Variants in VWCE observed in about 807,000 individuals in gnomAD.
The protein encoded by VWCE is von Willebrand factor C and EGF domain-containing protein.
A neutral mutation model predicts 102.9 loss-of-function variants in VWCE; 68 were observed. The observed-to-expected ratio is 0.66, with a 90% CI of 0.54 to 0.81. VWCE has a LOEUF of 0.81. Among genes scored for constraint, VWCE ranks in the 30% least tolerant of loss-of-function variants. VWCE has a pLI of 0.00. For missense variants in VWCE, 1,137 were observed against 1,263.6 expected (o/e 0.90, Z 1.52); for synonymous variants, 497 against 515.4 (o/e 0.96, Z 0.48).
intron 6 of VWCE, 25 bp downstream of exon 6, chr11:61,282,764 G>C (rs375538648): frequency 6.3e-7 from 1 of 1,597,008 alleles, no homozygotes; most frequent in East Asian, 2.2e-5. Flanking sequence ...TAAGTGTGCA[G>C]ACCACAGGGT....
chr11:61,275,963 C>G (rs1314095102), intron 11 of VWCE, among the ~76,000 whole-genome samples: 1 of 152,228 alleles, frequency 6.6e-6, no homozygotes, highest in Non-Finnish European at 1.5e-5. Context: ...CCTCAAACTG[C>G]TGTGCACATA....
At chr11:61,264,822 G>A in intron 18 of VWCE, 134 bp downstream of exon 18, 1 of 1,034,182 alleles carries the variant, frequency 9.7e-7, no homozygotes, top group Non-Finnish European at 1.4e-6. Context: ...AGATATTCTG[G>A]CAGTTAATTA....
rs1219087163 is a variant in VWCE at position 61,264,565 on chromosome 11, T to C, written c.2152A>G (p.Ser718Gly). 1 of 1,610,672 alleles carries C rather than the reference T, an allele frequency of 6.2e-7. No homozygotes were observed. ...CGCTGGCAGGGAACCTTCTCACAGC[T>C]CACCTCTCCCAGCTGGGGAAGCAGA... ...TRCTCQLGEV[S>G]CEKVPCQRAC... Residue 718 changes from serine (S) to glycine (G), a missense_variant, in exon 19 of 20, where the codon AGC becomes GGC. This residue lies in a region of VWCE where 316 missense variants were observed against 319.3 expected (regional missense o/e 0.99). Coordinates refer to ENST00000335613, the MANE Select transcript of VWCE (RefSeq NM_152718.2).
At position 61,258,770 on chromosome 11, in the gene VWCE, T is replaced by G. The variant is rs557162711; in HGVS notation, c.2773A>C (p.Thr925Pro). Reference protein sequence around the residue: ...LLGPRVLSPTTSRLSTALAAT... With the variant: ...LLGPRVLSPTPSRLSTALAAT... ...GCAAGGGCTGTGGAGAGTCTAGAGG[T>G]GGTGGGAGAAAGCACGCGAGGCCCG... The change falls in exon 20 of 20, where the codon ACC becomes CCC. Residue 925 changes from threonine to proline, a missense_variant. Thr to Pro is a conservative substitution (Grantham distance 38). Transcript: ENST00000335613. 3 of 1,472,412 alleles carry G rather than the reference T, an allele frequency of 2.0e-6. No individual in the cohort carries two copies. Among genetic ancestry groups the G allele is most frequent in the East Asian group, 4.8e-5 (2 of 41,912 alleles). The allele number at this position is 1,472,412 out of a possible 1,614,324, so 91.2% of individuals were successfully genotyped here. A position where few individuals can be genotyped will look rare whatever the true frequency, so the allele number is the denominator to read the frequency against.
At chr11:61,275,309 C>T (rs1014877941) in intron 11 of VWCE, among the ~76,000 whole-genome samples, 6 of 152,262 alleles carry the variant, frequency 3.9e-5, no homozygotes, top group East Asian at 3.9e-4. Flanking sequence ...ACTGCCCAGG[C>T]CCACCTGCCA....
intron 9 of VWCE, among the ~76,000 whole-genome samples, chr11:61,279,935 G>A (rs889980782): frequency 4.6e-5 from 7 of 152,170 alleles, no homozygotes; most frequent in African/African-American, 9.6e-5. Context: ...CTATAGACAC[G>A]GGGCTAGTCT....
intron 14 of VWCE, among the ~76,000 whole-genome samples, chr11:61,270,084 A>AT (rs932736046): frequency 2.6e-5 from 4 of 151,374 alleles, no homozygotes; most frequent in African/African-American, 4.9e-5. Flanking sequence ...CGCCCAGCTA[A>AT]TTTTTTTTGT....
Position 61,282,056 on chromosome 11 carries a change from G to C in VWCE, c.659-142C>G, listed in dbSNP as rs1304739615. ...ATGCCTGCCCCGAGGTGCGGGATGT[G>C]ACTCAGACAGCTGGGAGCGGGGCTG... is the stretch of plus-strand genomic sequence containing the variant. On this transcript the variant is annotated intron_variant, in intron 6 of 19. Coordinates refer to ENST00000335613, the MANE Select transcript of VWCE (RefSeq NM_152718.2). 1.8e-5 allele frequency: 23 copies of C among 1,307,802 alleles called. No individual in the cohort carries two copies. In the Admixed American group the frequency reaches 2.6e-4, roughly 15 times the overall value. The allele number at this position is 1,307,802 out of a possible 1,614,324, so 81.0% of individuals were successfully genotyped here. A position where few individuals can be genotyped will look rare whatever the true frequency, so the allele number is the denominator to read the frequency against.
rs1854256253 is a variant in VWCE at position 61,258,672 on chromosome 11, T to C, written c.*3A>G. On this transcript the variant is annotated 3_prime_UTR_variant, in exon 20 of 20. Transcript: ENST00000335613. ...CCAGAGTCTCCCGGACACAGTGACC[T>C]CCTTACATGGTGGACTCTTCCCCCC... The C allele has an allele frequency of 7.3e-7, 1 of 1,376,392 alleles. No homozygotes were observed. 85.3% of individuals were successfully genotyped at this position (1,376,392 alleles called of 1,614,324 possible). A position where few individuals can be genotyped will look rare whatever the true frequency, so the allele number is the denominator to read the frequency against.
In VWCE at chr11:61,281,798, C is replaced by A. The variant is rs779785266; in HGVS notation, c.775G>T (p.Val259Leu). ...GCCTGGCGCTCACCTTCACAGGACACGCGGTCAGCTCGGAGCCTGAAGCCA... is the reference window on the plus strand; with the variant it reads ...GCCTGGCGCTCACCTTCACAGGACAAGCGGTCAGCTCGGAGCCTGAAGCCA... The part of the protein sequence containing the change: ...RPGFRLRADR[V>L]SCEAFPKAVL... Residue 259 changes from valine (V) to leucine (L), a missense_variant, in exon 7 of 20, where the codon GTG becomes TTG. Transcript: ENST00000335613. 3.1e-6 allele frequency: 5 copies of A among 1,612,580 alleles called. No individual in the cohort carries two copies. The highest frequency in any genetic ancestry group is 4.5e-5 in the East Asian group (2 of 44,828).
chr11:61,265,140 A>C lies in VWCE; in HGVS notation c.2038T>G (p.Cys680Gly). 6.3e-7 allele frequency: 1 copy of C among 1,594,356 alleles called. No homozygotes were observed. The highest frequency in any genetic ancestry group is 8.5e-7 in the Non-Finnish European group (1 of 1,169,976). Residue 680 changes from cysteine to glycine, a missense_variant, in exon 17 of 20, where the codon TGC (cysteine) becomes GGC (glycine). By Grantham distance (159) the Cys-to-Gly change is radical. Transcript: ENST00000335613. Reference sequence around the variant, plus strand: ...CACTCACCTCGGCACACGGGGCAGCACTCCCCGTCAGGGTGGAAAGGGTAG... The same window carrying C: ...CACTCACCTCGGCACACGGGGCAGCCCTCCCCGTCAGGGTGGAAAGGGTAG... The part of the protein sequence containing the change: ...CTYPFHPDGE[C>G]CPVCRDCNYE...
intron 4 of VWCE, among the ~76,000 whole-genome samples, chr11:61,286,971 C>T: frequency 6.6e-6 from 1 of 151,808 alleles, no homozygotes; most frequent in Admixed American, 6.6e-5. Flanking sequence ...GTGGCGGGCA[C>T]CTGTAGTCCC....
chr11:61,260,965 C>T (rs1004649678), intron 19 of VWCE, among the ~76,000 whole-genome samples: 2 of 152,116 alleles, frequency 1.3e-5, no homozygotes, highest in Admixed American at 6.5e-5. Flanking sequence ...TGGCTCATGC[C>T]CATAATCCCA....
Position 61,265,049 on chromosome 11 carries a change from A to G in VWCE, c.2057-11T>C, listed in dbSNP as rs1467243392. The G allele has an allele frequency of 1.1e-5, 18 of 1,614,034 alleles. No individual in the cohort carries two copies. The highest frequency in any genetic ancestry group is 1.5e-5 in the Non-Finnish European group (18 of 1,180,002). On this transcript the variant is annotated splice_polypyrimidine_tract_variant and intron_variant, in intron 17 of 19. Transcript: ENST00000335613. Reference sequence around the variant, plus strand: ...CCTCGTAGTTGCAGTCTGTGGAGGAAGGGGAGACAGGAGCCCATGAGAGCC... The same window carrying G: ...CCTCGTAGTTGCAGTCTGTGGAGGAGGGGGAGACAGGAGCCCATGAGAGCC...
chr11:61,280,019 G>A (rs556086150), intron 9 of VWCE, among the ~76,000 whole-genome samples: 85 of 152,262 alleles, frequency 5.6e-4, no homozygotes, highest in African/African-American at 1.9e-3. Context: ...GAGCCAGCAT[G>A]CCCAGCCAAG....
At chr11:61,285,559 A>ATC (rs1855292534) in intron 5 of VWCE, among the ~76,000 whole-genome samples, 2 of 152,004 alleles carry the variant, frequency 1.3e-5, no homozygotes, top group Non-Finnish European at 2.9e-5. Flanking sequence ...GGGCAGGTGA[A>ATC]ACTGATGAAT....
chr11:61,289,727 G>T (rs535190952), intron 4 of VWCE, among the ~76,000 whole-genome samples: 1 of 152,120 alleles, frequency 6.6e-6, no homozygotes, highest in African/African-American at 2.4e-5. Flanking sequence ...GACACACCCA[G>T]GGAAAAGGGC....
chr11:61,272,392 C>T (rs995823611), intron 13 of VWCE, among the ~76,000 whole-genome samples: 2 of 152,032 alleles, frequency 1.3e-5, no homozygotes, highest in Admixed American at 6.5e-5. Context: ...TACACACATA[C>T]AGACATGCAT....
At chr11:61,290,775 C>T (rs1855478317) in intron 4 of VWCE, 24 bp downstream of exon 4, 1 of 1,584,686 alleles carries the variant, frequency 6.3e-7, no homozygotes, top group Non-Finnish European at 8.6e-7. Context: ...CCTCCCCCTC[C>T]CCCACCACTC....
Sources: gnomAD v4.1 joint callset for allele counts (sites outside exome capture counted in the v4.1 genomes callset) on GRCh38, gnomAD v4.1.1 for gene constraint, gnomAD v4.1.1 regional missense constraint, MANE v1.5 for transcripts, NCBI Gene and HGNC (gene_info 2026-07-23, HGNC 2026-07-21) for gene names.